The following IL23R variants were observed in gnomAD, a reference collection of about 807,000 sequenced individuals.
IL23R encodes interleukin 23 receptor, also known as interleukin-23 receptor.
Under a neutral mutation model 56.9 loss-of-function variants are expected in IL23R, and 34 were observed. The ratio of observed to expected loss-of-function variants is 0.60; its 90% CI spans 0.45 to 0.80. The LOEUF (loss-of-function observed/expected upper bound fraction) is 0.80, where lower values mean the gene tolerates loss of function less well. Among genes scored for constraint, IL23R ranks in the 30% least tolerant of loss-of-function variants. The pLI, the probability that IL23R is intolerant of heterozygous loss-of-function variation, is 0.00. For missense variants in IL23R, 635 were observed against 730.0 expected (o/e 0.87, Z 1.50); for synonymous variants, 230 against 249.2 (o/e 0.92, Z 0.73).
At chr1:67,153,628 GA>G in intron 1 of IL23R, among the ~76,000 whole-genome samples, 1 of 152,148 alleles carries the variant, frequency 6.6e-6, no homozygotes, top group Non-Finnish European at 1.5e-5. Context: ...CTGTGTCCCA[GA>G]GATTCTGGTA....
At chr1:67,208,033 G>A (rs528440796) in intron 6 of IL23R, among the ~76,000 whole-genome samples, 1 of 152,318 alleles carries the variant, frequency 6.6e-6, no homozygotes, top group South Asian at 2.1e-4. Context: ...TGGAGGAAAG[G>A]TGACTCTTGT....
At position 67,258,670 on chromosome 1, in the gene IL23R, C is replaced by T; in HGVS notation, c.1432C>T (p.Pro478Ser). 1.2e-6 allele frequency: 2 copies of T among 1,613,926 alleles called. No homozygotes were observed. The highest frequency in any genetic ancestry group is 1.7e-6 in the Non-Finnish European group (2 of 1,179,940). ...LFDNTTVVYI[P>S]DLNTGYKPQI... is the part of the protein sequence containing the mutation. Reference sequence around the variant, plus strand: ...CGACAATACTACAGTTGTATATATTCCTGATCTCAACACTGGATATAAACC... The same window carrying T: ...CGACAATACTACAGTTGTATATATTTCTGATCTCAACACTGGATATAAACC... Residue 478 changes from proline (P) to serine (S), a missense_variant, in exon 11 of 11, where the codon CCT (proline) becomes TCT (serine). Transcript: ENST00000347310.
chr1:67,238,761 T>C (rs761301867), intron 8 of IL23R, among the ~76,000 whole-genome samples: 3 of 152,196 alleles, frequency 2.0e-5, no homozygotes, highest in African/African-American at 4.8e-5. Context: ...CACTAATTAA[T>C]GCCCAAGGGT....
At chr1:67,225,819 G>A (rs746373931) in intron 7 of IL23R, among the ~76,000 whole-genome samples, 1 of 152,040 alleles carries the variant, frequency 6.6e-6, no homozygotes. Flanking sequence ...CTGAATGCTT[G>A]GGCACTTCTT....
chr1:67,203,745 G>C (rs1648799314), intron 5 of IL23R, among the ~76,000 whole-genome samples: 1 of 152,110 alleles, frequency 6.6e-6, no homozygotes, highest in Non-Finnish European at 1.5e-5. Context: ...AGACTGTCCT[G>C]GGAACAATTT....
At chr1:67,217,713 TG>T (rs953439268) in intron 6 of IL23R, among the ~76,000 whole-genome samples, 11 of 151,288 alleles carry the variant, frequency 7.3e-5, no homozygotes, top group African/African-American at 2.7e-4. Context: ...ATGCAGAGTT[TG>T]AAAAATATCA....
Position 67,249,447 on chromosome 1 carries a change from A to G in IL23R, c.1149-6390A>G, listed in dbSNP as rs141049323. On this transcript the variant is annotated intron_variant, in intron 9 of 10. Coordinates refer to ENST00000347310, the MANE Select transcript of IL23R (RefSeq NM_144701.3). ...AATTAACTTAATGTAATGACTTTAA[A>G]CAGTGATATTTAAAAACACAATTCA... is the stretch of plus-strand genomic sequence containing the variant. Among the ~76,000 whole-genome samples the G allele has an allele frequency of 6.9e-3, 1,043 of 152,106 alleles. 5 individuals carry two copies. Among genetic ancestry groups the G allele is most frequent in the Non-Finnish European group, 0.011 (750 of 67,956 alleles).
intron 1 of IL23R, among the ~76,000 whole-genome samples, chr1:67,158,183 T>C (rs1321970608): frequency 6.6e-6 from 1 of 151,310 alleles, no homozygotes; most frequent in Admixed American, 6.6e-5. Context: ...GCCACTGCAC[T>C]CCATCCTGGG....
At chr1:67,253,869 A>G (rs2100380644) in intron 9 of IL23R, among the ~76,000 whole-genome samples, 1 of 152,318 alleles carries the variant, frequency 6.6e-6, no homozygotes, top group East Asian at 1.9e-4. Context: ...GTTCATAACA[A>G]GGAATTAGGG....
At chr1:67,260,677 C>A (rs754820483), downstream of IL23R, among the ~76,000 whole-genome samples, 10 of 152,088 alleles carry the variant, frequency 6.6e-5, no homozygotes, top group Non-Finnish European at 1.3e-4. Flanking sequence ...TGTTACCCAG[C>A]AGACTATTGT....
downstream of IL23R, among the ~76,000 whole-genome samples, chr1:67,261,102 A>T (rs1462513427): frequency 2.6e-5 from 4 of 151,554 alleles, no homozygotes; most frequent in East Asian, 5.8e-4. Flanking sequence ...TTTTGATAAA[A>T]ATCTAAAAGC....
At chr1:67,146,226 A>C (rs1434241235) in intron 1 of IL23R, among the ~76,000 whole-genome samples, 2 of 152,188 alleles carry the variant, frequency 1.3e-5, no homozygotes, top group Admixed American at 6.5e-5. Flanking sequence ...TCATGTGATC[A>C]TGTCTTATGT....
chr1:67,165,992 A>T (rs1393095943), upstream of IL23R, among the ~76,000 whole-genome samples: 1 of 152,228 alleles, frequency 6.6e-6, no homozygotes. Flanking sequence ...ATAAGATGAG[A>T]GATGTATTAA....
rs1653132277 is a variant in IL23R at position 67,259,616 on chromosome 1, T to C, written c.*488T>C. On this transcript the variant is annotated 3_prime_UTR_variant, in exon 11 of 11. Coordinates refer to ENST00000347310, the MANE Select transcript of IL23R (RefSeq NM_144701.3). The stretch of plus-strand genomic sequence containing the variant: ...AGCTCTCTATTGTGTACAGAAAGGG[T>C]AAATAATGCAAAATACCTGGTAGTA... 2 of 161,362 alleles carry C rather than the reference T, an allele frequency of 1.2e-5. No individual in the cohort carries two copies. Among genetic ancestry groups the C allele is most frequent in the African/African-American group, 4.8e-5 (2 of 41,430 alleles). The allele number at this position is 161,362 out of a possible 1,614,324, so 10.0% of individuals were successfully genotyped here. A position where few individuals can be genotyped will look rare whatever the true frequency, so the allele number is the denominator to read the frequency against.
chr1:67,201,745 C>T (rs537320143), intron 5 of IL23R, among the ~76,000 whole-genome samples: 40 of 152,070 alleles, frequency 2.6e-4, no homozygotes, highest in African/African-American at 9.2e-4. Flanking sequence ...TTATGTAGAC[C>T]TCTCTATGTT....
chr1:67,170,253 A>G (rs576393835), intron 3 of IL23R, among the ~76,000 whole-genome samples: 3 of 152,326 alleles, frequency 2.0e-5, no homozygotes, highest in African/African-American at 7.2e-5. Flanking sequence ...TCAATAATTT[A>G]TTTGGAAGCA....
chr1:67,235,039 T>C (rs1651375353), intron 7 of IL23R, among the ~76,000 whole-genome samples: 1 of 152,176 alleles, frequency 6.6e-6, no homozygotes, highest in Non-Finnish European at 1.5e-5. Flanking sequence ...AGATTCAGAC[T>C]CCTGCCTGAG....
At chr1:67,222,102 C>CTTTCTTTTTTTTTTT (rs1440089182) in intron 7 of IL23R, among the ~76,000 whole-genome samples, 1 of 58,890 alleles carries the variant, frequency 1.7e-5, no homozygotes, top group African/African-American at 6.3e-5. Context: ...TTCTTTCTTT[C>CTTTCTTTTTTTTTTT]TTTTTTTTTT....
chr1:67,254,854 T>C (rs922902039), intron 9 of IL23R, among the ~76,000 whole-genome samples: 3 of 152,210 alleles, frequency 2.0e-5, no homozygotes. Flanking sequence ...TGCTAATAGA[T>C]AGCTTGGGGG....
Sources: allele counts gnomAD v4.1 joint callset (sites outside exome capture counted in the v4.1 genomes callset), GRCh38; gene constraint gnomAD v4.1.1; transcripts MANE v1.5; gene names NCBI Gene and HGNC (gene_info 2026-07-23, HGNC 2026-07-21).